NAA11: variants seen among roughly 807,000 people sequenced by gnomAD.
NAA11 encodes the protein N-alpha-acetyltransferase 11, NatA catalytic subunit, also known as N-alpha-acetyltransferase 11.
NAA11 carries 15 observed loss-of-function variants against 16.1 expected under a neutral mutation model. That is an observed-to-expected ratio of 0.93 (90% CI 0.62 to 1.44). NAA11 has a LOEUF of 1.44. Ranked by LOEUF, NAA11 falls within the 40% of genes most tolerant of loss-of-function variation. The pLI is 0.00. For missense variants in NAA11, 298 were observed against 291.3 expected (o/e 1.02, Z -0.17); for synonymous variants, 122 against 112.4 (o/e 1.09, Z -0.54).
At chr4:79,213,093 T>C in the NAA11 span, among the ~76,000 whole-genome samples, 1 of 152,182 alleles carries the variant, frequency 6.6e-6, no homozygotes, top group Non-Finnish European at 1.5e-5. Flanking sequence ...AAAAATTTTA[T>C]ACTGGTTCAT....
chr4:79,194,571 A>T, the NAA11 span, among the ~76,000 whole-genome samples: 1 of 152,030 alleles, frequency 6.6e-6, no homozygotes, highest in Non-Finnish European at 1.5e-5. Flanking sequence ...AAGAGAAATG[A>T]GATTGGAAAG....
intron 2 of NAA11, among the ~76,000 whole-genome samples, chr4:79,279,373 G>T (rs938761798): frequency 6.6e-5 from 10 of 152,040 alleles, no homozygotes; most frequent in African/African-American, 2.4e-4. Context: ...AGCAAGTGGT[G>T]GAGTCAGGGT....
the NAA11 span, among the ~76,000 whole-genome samples, chr4:79,164,931 C>T: frequency 6.6e-6 from 1 of 152,174 alleles, no homozygotes; most frequent in Non-Finnish European, 1.5e-5. Flanking sequence ...TAATGTCTTT[C>T]AACCGGATTG....
At chr4:79,232,232 C>T (rs1465438208) in intron 2 of NAA11, among the ~76,000 whole-genome samples, 1 of 151,812 alleles carries the variant, frequency 6.6e-6, no homozygotes, top group African/African-American at 2.4e-5. Flanking sequence ...TAATTCTTCT[C>T]TGCTTTTGTG....
intron 1 of NAA11, among the ~76,000 whole-genome samples, chr4:79,301,854 T>C (rs1031586802): frequency 3.5e-4 from 54 of 152,214 alleles, no homozygotes; most frequent in Non-Finnish European, 1.5e-4. Context: ...TACAATTTAT[T>C]GTATTCTAAA....
At chr4:79,193,566 T>C in the NAA11 span, among the ~76,000 whole-genome samples, 1 of 152,154 alleles carries the variant, frequency 6.6e-6, no homozygotes, top group African/African-American at 2.4e-5. Flanking sequence ...GAGGGCTCTG[T>C]TCTGTTCCAT....
At chr4:79,195,427 C>A in the NAA11 span, among the ~76,000 whole-genome samples, 1 of 151,956 alleles carries the variant, frequency 6.6e-6, no homozygotes, top group African/African-American at 2.4e-5. Context: ...TATTTTTTTA[C>A]ATTTGAAGAC....
intron 1 of NAA11, among the ~76,000 whole-genome samples, chr4:79,321,200 T>A (rs868492995): frequency 2.6e-5 from 4 of 152,204 alleles, no homozygotes; most frequent in Admixed American, 2.0e-4. Context: ...TGAGAGCAGC[T>A]GTATGATCCC....
chr4:79,206,409 T>TAGA, the NAA11 span, among the ~76,000 whole-genome samples: 1 of 152,118 alleles, frequency 6.6e-6, no homozygotes, highest in Non-Finnish European at 1.5e-5. Flanking sequence ...AATAGTAACT[T>TAGA]CTCTTAGAAG....
the NAA11 span, among the ~76,000 whole-genome samples, chr4:79,159,570 CA>C: frequency 6.6e-6 from 1 of 152,020 alleles, no homozygotes; most frequent in Non-Finnish European, 1.5e-5. Flanking sequence ...GATCTATTTC[CA>C]AAACATTTAA....
chr4:79,287,760 A>G (rs1329190469), intron 2 of NAA11, among the ~76,000 whole-genome samples: 1 of 151,916 alleles, frequency 6.6e-6, no homozygotes, highest in Non-Finnish European at 1.5e-5. Context: ...CAGATTGTCA[A>G]ACTGATTTAT....
chr4:79,262,556 AAGG>A (rs538538608), intron 2 of NAA11, among the ~76,000 whole-genome samples: 39 of 152,138 alleles, frequency 2.6e-4, no homozygotes, highest in Non-Finnish European at 4.9e-4. Flanking sequence ...ATTCAGCAAC[AAGG>A]AGAAATCTAA....
the NAA11 span, among the ~76,000 whole-genome samples, chr4:79,175,709 A>T: frequency 1.3e-5 from 2 of 149,784 alleles, no homozygotes; most frequent in Admixed American, 1.3e-4. Context: ...TGCTCAATAG[A>T]CTATGCATAC....
chr4:79,278,405 C>A (rs1239717194), intron 2 of NAA11, among the ~76,000 whole-genome samples: 1 of 152,110 alleles, frequency 6.6e-6, no homozygotes, highest in Non-Finnish European at 1.5e-5. Flanking sequence ...TTACCTAGTT[C>A]CTACCTCTTC....
At chr4:79,297,237 G>A (rs760963332) in intron 1 of NAA11, among the ~76,000 whole-genome samples, 5 of 152,216 alleles carry the variant, frequency 3.3e-5, no homozygotes, top group Admixed American at 6.5e-5. Context: ...AGGGACAAGC[G>A]AGAGCCTCCG....
chr4:79,285,953 G>A (rs1722898448), intron 2 of NAA11, among the ~76,000 whole-genome samples: 1 of 151,952 alleles, frequency 6.6e-6, no homozygotes, highest in Non-Finnish European at 1.5e-5. Context: ...TAGTATCAAG[G>A]ATGGGCAATT....
chr4:79,202,547 C>CA, the NAA11 span, among the ~76,000 whole-genome samples: 1 of 142,522 alleles, frequency 7.0e-6, no homozygotes, highest in Non-Finnish European at 1.5e-5. Flanking sequence ...CACACGCACA[C>CA]ACACACACCC....
chr4:79,191,307 CT>C, the NAA11 span, among the ~76,000 whole-genome samples: 1 of 150,988 alleles, frequency 6.6e-6, no homozygotes, highest in East Asian at 2.0e-4. Flanking sequence ...TAAGTGTTCC[CT>C]TTTCTCTGCA....
chr4:79,155,686 C>T, the NAA11 span, among the ~76,000 whole-genome samples: 1 of 152,168 alleles, frequency 6.6e-6, no homozygotes, highest in African/African-American at 2.4e-5. Flanking sequence ...GAATAATACA[C>T]ATCTGGATAG....
Sources: allele counts gnomAD v4.1 joint callset (sites outside exome capture counted in the v4.1 genomes callset), GRCh38; gene constraint gnomAD v4.1.1; transcripts MANE v1.5; gene names NCBI Gene and HGNC (gene_info 2026-07-23, HGNC 2026-07-21).